The following TULP3 variants were observed in gnomAD, a reference collection of about 807,000 sequenced individuals.
The protein encoded by TULP3 is tubby-related protein 3.
Under a neutral mutation model 50.7 loss-of-function variants are expected in TULP3, and 38 were observed. That is an observed-to-expected ratio of 0.75 (90% confidence interval 0.58 to 0.98). The LOEUF (loss-of-function observed/expected upper bound fraction) is 0.98, where lower values mean the gene tolerates loss of function less well. Ranked by LOEUF, TULP3 falls within the 50% of genes least tolerant of loss-of-function variation. The pLI is 0.00. For synonymous variants in TULP3, 183 were observed against 196.6 expected (o/e 0.93, Z 0.58); for missense variants, 550 against 568.0 (o/e 0.97, Z 0.32).
In TULP3 at chr12:2,930,296, A is replaced by C; in HGVS notation, c.443A>C (p.Gln148Pro). The C allele has an allele frequency of 6.2e-7, 1 of 1,612,996 alleles. No individual in the cohort carries two copies. Among genetic ancestry groups the C allele is most frequent in the African/African-American group, 1.3e-5 (1 of 75,016 alleles). The change falls in exon 5 of 11, where the codon CAG (glutamine) becomes CCG (proline). Residue 148 changes from glutamine to proline, a missense_variant. Gln to Pro is a moderately conservative substitution (Grantham distance 76). Coordinates refer to ENST00000448120, the MANE Select transcript of TULP3 (RefSeq NM_003324.5). ...GATGAGGAGACTGATGGAATATCCC[A>C]GTCAGCATGTTTAGAAAGACCCAAT... Reference protein sequence around the residue: ...NFDEETDGISQSACLERPNSA... With the variant: ...NFDEETDGISPSACLERPNSA...
At position 2,927,366 on chromosome 12, in the gene TULP3, A is replaced by ATTTTTTTTTTTTTTT. The variant is rs71057864; in HGVS notation, c.395-2878_395-2864dup. Among the ~76,000 whole-genome samples, 142 of 105,118 alleles carry ATTTTTTTTTTTTTTT rather than the reference A, an allele frequency of 1.4e-3. 10 individuals carry two copies. Among genetic ancestry groups the ATTTTTTTTTTTTTTT allele is most frequent in the East Asian group, 2.5e-3 (8 of 3,216 alleles). The allele number at this position is 105,118 out of a possible 152,430, so 69.0% of individuals were successfully genotyped here. A position where few individuals can be genotyped will look rare whatever the true frequency, so the allele number is the denominator to read the frequency against. On this transcript the variant is annotated intron_variant, in intron 4 of 10. Transcript: ENST00000448120. Reference sequence around the variant, plus strand: ...GGACCTATGTTTTCAGTTGAGACTGATTTTTTTTTTTTTTTTTTGAGACCA... The same window carrying ATTTTTTTTTTTTTTT: ...GGACCTATGTTTTCAGTTGAGACTGATTTTTTTTTTTTTTTTTTTTTTTTTTTTTTTTTGAGACCA...
chr12:2,899,710 A>G (rs562634695), intron 1 of TULP3, among the ~76,000 whole-genome samples: 129 of 151,950 alleles, frequency 8.5e-4, no homozygotes, highest in South Asian at 2.9e-3. Context: ...TGGCTAACAC[A>G]GTGAAACCCT....
intron 1 of TULP3, among the ~76,000 whole-genome samples, chr12:2,906,320 G>A (rs889472507): frequency 3.3e-5 from 5 of 151,294 alleles, no homozygotes; most frequent in African/African-American, 1.2e-4. Flanking sequence ...GTGAGCCACT[G>A]GCCCTTTCTT....
chr12:2,932,010 A>T (rs1338592067), intron 6 of TULP3, among the ~76,000 whole-genome samples: 1 of 152,140 alleles, frequency 6.6e-6, no homozygotes, highest in Non-Finnish European at 1.5e-5. Flanking sequence ...ATTTTGCATA[A>T]TTCTAAAGTC....
chr12:2,900,012 C>T (rs957051104), intron 1 of TULP3, among the ~76,000 whole-genome samples: 14 of 151,526 alleles, frequency 9.2e-5, no homozygotes, highest in East Asian at 1.9e-4. Flanking sequence ...ATCACGAGTT[C>T]GAGACTAGCC....
chr12:2,929,551 G>A (rs1001286092), intron 4 of TULP3, among the ~76,000 whole-genome samples: 7 of 152,074 alleles, frequency 4.6e-5, no homozygotes, highest in African/African-American at 9.7e-5. Context: ...GCCTCCCAAA[G>A]TGCTAGGAGT....
At chr12:2,920,429 T>C (rs7976357) in intron 2 of TULP3, among the ~76,000 whole-genome samples, 151,965 of 152,094 alleles carry the variant, frequency 1, 75,920 homozygotes, top group Middle Eastern at 1. Context: ...GGATTGGGCG[T>C]GCCTTGGAGG....
chr12:2,911,111 C>T (rs1157255474), intron 2 of TULP3, among the ~76,000 whole-genome samples: 1 of 150,856 alleles, frequency 6.6e-6, no homozygotes, highest in Non-Finnish European at 1.5e-5. Context: ...TTAAGGTGGC[C>T]CTAATATTTT....
intron 1 of TULP3, 141 bp downstream of exon 1, chr12:2,891,129 G>A: frequency 3.0e-6 from 3 of 1,001,450 alleles, no homozygotes; most frequent in East Asian, 3.2e-5. Flanking sequence ...TTTCGGCGGC[G>A]GGAGGCGACC....
chr12:2,921,214 C>T (rs2153949585), intron 3 of TULP3, among the ~76,000 whole-genome samples: 1 of 152,274 alleles, frequency 6.6e-6, no homozygotes, highest in East Asian at 1.9e-4. Flanking sequence ...TCTTGGCTCA[C>T]TGCCAACCTC....
At chr12:2,905,532 T>A (rs1033511441) in intron 1 of TULP3, among the ~76,000 whole-genome samples, 2 of 152,232 alleles carry the variant, frequency 1.3e-5, no homozygotes, top group African/African-American at 4.8e-5. Context: ...TATAACTTTT[T>A]AAATTATAAT....
At chr12:2,913,933 C>T (rs941145328) in intron 2 of TULP3, among the ~76,000 whole-genome samples, 5 of 151,794 alleles carry the variant, frequency 3.3e-5, no homozygotes, top group Middle Eastern at 3.2e-3. Flanking sequence ...CTAAAACTGA[C>T]GTATAATAAT....
At chr12:2,906,831 G>A (rs1021536453) in intron 1 of TULP3, among the ~76,000 whole-genome samples, 9 of 151,202 alleles carry the variant, frequency 6.0e-5, no homozygotes, top group African/African-American at 1.7e-4. Flanking sequence ...CAGGAGAATC[G>A]CTTGAATCTG....
rs551518667 is a variant in TULP3, at chr12:2,915,843, C to T, written c.94-4920C>T. On this transcript the variant is annotated intron_variant, in intron 2 of 10. Transcript: ENST00000448120. ...ACAGGCGTGAGCCACCGTGCCCGGC[C>T]GAGATTTTTAAACAAACTGATAGAC... Among the ~76,000 whole-genome samples, 25 of 150,184 alleles carry T rather than the reference C, an allele frequency of 1.7e-4. No homozygotes were observed. In the South Asian group the frequency reaches 5.1e-3, roughly 30 times the overall value.
Position 2,940,258 on chromosome 12 carries a change from G to C in TULP3, c.*814G>C. The C allele has an allele frequency of 7.2e-7, 1 of 1,383,504 alleles. No individual in the cohort carries two copies. The highest frequency in any genetic ancestry group is 9.5e-7 in the Non-Finnish European group (1 of 1,051,062). The allele number at this position is 1,383,504 out of a possible 1,614,324, so 85.7% of individuals were successfully genotyped here. On this transcript the variant is annotated 3_prime_UTR_variant, in exon 11 of 11. Coordinates refer to ENST00000448120, the MANE Select transcript of TULP3 (RefSeq NM_003324.5). The stretch of plus-strand genomic sequence containing the variant: ...TGAGGAGCGACACACACACCTGTAG[G>C]CATCCTGTGCAAACACTTTGTCATT...
rs773528755 is a variant in TULP3, at chr12:2,895,739, CATT to C, written c.41+4753_41+4755del. On this transcript the variant is annotated intron_variant, in intron 1 of 10. Coordinates refer to ENST00000448120, the MANE Select transcript of TULP3 (RefSeq NM_003324.5). ...TGGGGATGCATTCTGAGAAATGTGT[CATT>C]AGTGGATTTTGTTGTGTGAACGTCA... Among the ~76,000 whole-genome samples the C allele has an allele frequency of 2.0e-4, 30 of 152,106 alleles. 1 individual carries two copies. Among genetic ancestry groups the C allele is most frequent in the Admixed American group, 7.2e-4 (11 of 15,262 alleles).
At chr12:2,922,047 C>T (rs867212247) in intron 3 of TULP3, among the ~76,000 whole-genome samples, 1 of 152,188 alleles carries the variant, frequency 6.6e-6, no homozygotes, top group Non-Finnish European at 1.5e-5. Context: ...TACACCACTG[C>T]TCTCCAGCCT....
chr12:2,902,624 A>G lies in TULP3; in HGVS notation c.42-6905A>G, dbSNP rs548071935. Among the ~76,000 whole-genome samples the G allele has an allele frequency of 7.6e-4, 116 of 152,342 alleles. 1 individual carries two copies. The highest frequency in any genetic ancestry group is 2.7e-3 in the African/African-American group (113 of 41,576). ...GAGAGAAGTTGACAGGAACATTGAGAGTCCCGAATAATCATAGATTCTTGA... is the reference window on the plus strand; with the variant it reads ...GAGAGAAGTTGACAGGAACATTGAGGGTCCCGAATAATCATAGATTCTTGA... On this transcript the variant is annotated intron_variant, in intron 1 of 10. Coordinates refer to ENST00000448120, the MANE Select transcript of TULP3 (RefSeq NM_003324.5).
In TULP3 at chr12:2,939,877, A is replaced by C. The variant is rs1278692534; in HGVS notation, c.*433A>C. 4.9e-6 allele frequency: 6 copies of C among 1,220,916 alleles called. No homozygotes were observed. The highest frequency in any genetic ancestry group is 6.3e-6 in the Non-Finnish European group (6 of 954,006). The allele number at this position is 1,220,916 out of a possible 1,614,324, so 75.6% of individuals were successfully genotyped here. On this transcript the variant is annotated 3_prime_UTR_variant, in exon 11 of 11. Coordinates refer to ENST00000448120, the MANE Select transcript of TULP3 (RefSeq NM_003324.5). This position sits in a 1 kb window ranked among gnomAD's most constrained non-coding sequence, Gnocchi z 4.0. ...ACTTGGTGAGGGATCACAGCTTAGCATGGGTGAGAGATGATTTAAAGCACA... is the reference window on the plus strand; with the variant it reads ...ACTTGGTGAGGGATCACAGCTTAGCCTGGGTGAGAGATGATTTAAAGCACA...
Sources: gnomAD v4.1 joint callset for allele counts (sites outside exome capture counted in the v4.1 genomes callset) on GRCh38, gnomAD v4.1.1 for gene constraint, Gnocchi (gnomAD v3.1) non-coding constraint, MANE v1.5 for transcripts, NCBI Gene and HGNC (gene_info 2026-07-23, HGNC 2026-07-21) for gene names.